SFMBT2: variants seen among roughly 807,000 people sequenced by gnomAD.
The protein encoded by SFMBT2 is scm-like with four MBT domains protein 2.
Under a neutral mutation model 110.1 loss-of-function variants are expected in SFMBT2, and 38 were observed. The ratio of observed to expected loss-of-function variants is 0.35; its 90% confidence interval spans 0.27 to 0.45. The LOEUF is 0.45. SFMBT2 is among the 20% of genes least tolerant of loss of function. The pLI is 1.00. For synonymous variants in SFMBT2, 425 were observed against 425.4 expected (o/e 1.00, Z 0.01); for missense variants, 1,011 against 1,094.9 (o/e 0.92, Z 1.08).
chr10:7,332,033 A>G (rs1023727344), intron 4 of SFMBT2, among the ~76,000 whole-genome samples: 32 of 143,496 alleles, frequency 2.2e-4, no homozygotes, highest in South Asian at 9.5e-4. Flanking sequence ...AAAAAAAAAA[A>G]AAAAGGAAAG....
chr10:7,309,148 G>A (rs1564432396), intron 4 of SFMBT2, among the ~76,000 whole-genome samples: 1 of 152,352 alleles, frequency 6.6e-6, no homozygotes, highest in East Asian at 1.9e-4. Flanking sequence ...CCTCCGTCAT[G>A]TGGATAGACC....
At chr10:7,264,890 A>G (rs1841330869) in intron 7 of SFMBT2, among the ~76,000 whole-genome samples, 1 of 150,226 alleles carries the variant, frequency 6.7e-6, no homozygotes, top group South Asian at 2.1e-4. Flanking sequence ...GTAGCAGGTT[A>G]GTGCCTGGAT....
chr10:7,374,115 A>T (rs1461955262), intron 2 of SFMBT2, among the ~76,000 whole-genome samples: 2 of 152,152 alleles, frequency 1.3e-5, no homozygotes, highest in Non-Finnish European at 2.9e-5. Context: ...TACACCAATT[A>T]GCCAGGGGTG....
intron 4 of SFMBT2, among the ~76,000 whole-genome samples, chr10:7,348,706 G>A (rs979516167): frequency 6.6e-6 from 1 of 152,150 alleles, no homozygotes; most frequent in Non-Finnish European, 1.5e-5. Flanking sequence ...AACCAGATTT[G>A]TGTTCATCTT....
chr10:7,403,983 T>C (rs931593507), intron 1 of SFMBT2, among the ~76,000 whole-genome samples: 1 of 152,220 alleles, frequency 6.6e-6, no homozygotes, highest in Admixed American at 6.5e-5. Context: ...CACAAAGAAA[T>C]GATACATGCT....
intron 12 of SFMBT2, chr10:7,204,619 AT>A (rs753208330): frequency 1.1e-4 from 61 of 551,772 alleles, no homozygotes; most frequent in Non-Finnish European, 1.4e-4. Flanking sequence ...CCAAAGTGTA[AT>A]TCCAGCACTT....
At chr10:7,292,143 T>C (rs556002572) in intron 4 of SFMBT2, 2 of 166,202 alleles carry the variant, frequency 1.2e-5, no homozygotes, top group Non-Finnish European at 2.5e-5. Context: ...AAGAGGTAAA[T>C]AAGAGTGCTT....
intron 12 of SFMBT2, 135 bp from the exon 13 acceptor site, chr10:7,202,657 T>A: frequency 6.5e-7 from 1 of 1,533,400 alleles, no homozygotes; most frequent in African/African-American, 1.4e-5. Flanking sequence ...ACGTCATTCA[T>A]GCCACAATTT....
chr10:7,384,728 C>A (rs924810245), intron 1 of SFMBT2, among the ~76,000 whole-genome samples: 5 of 152,106 alleles, frequency 3.3e-5, no homozygotes, highest in Non-Finnish European at 7.3e-5. Flanking sequence ...ACATTTTACC[C>A]CTGTGGGTAT....
chr10:7,229,433 G>T (rs1051335211), intron 9 of SFMBT2, among the ~76,000 whole-genome samples: 2 of 151,786 alleles, frequency 1.3e-5, no homozygotes, highest in Non-Finnish European at 2.9e-5. Context: ...ACAAAAATTA[G>T]CCAGGTGTGG....
chr10:7,409,087 C>T (rs1457721766), intron 1 of SFMBT2, among the ~76,000 whole-genome samples: 1 of 148,184 alleles, frequency 6.7e-6, no homozygotes, highest in South Asian at 2.1e-4. Context: ...CCTTCTGCCC[C>T]ACCCCACCAC....
intron 7 of SFMBT2, among the ~76,000 whole-genome samples, chr10:7,267,314 T>C (rs1841423930): frequency 6.6e-6 from 1 of 152,228 alleles, no homozygotes; most frequent in Non-Finnish European, 1.5e-5. Context: ...ATGAGTGTAA[T>C]GACTTCTGAA....
intron 7 of SFMBT2, among the ~76,000 whole-genome samples, chr10:7,272,030 AT>A (rs1841601978): frequency 6.6e-6 from 1 of 152,156 alleles, no homozygotes; most frequent in Non-Finnish European, 1.5e-5. Context: ...TTACAGAAAC[AT>A]AACAAGTGCA....
At chr10:7,323,470 C>A (rs200699059) in intron 4 of SFMBT2, among the ~76,000 whole-genome samples, 476 of 120,230 alleles carry the variant, frequency 4.0e-3, no homozygotes, top group Middle Eastern at 0.014. Context: ...AAAAAAAAAC[C>A]AAAAAAAAAA....
intron 4 of SFMBT2, among the ~76,000 whole-genome samples, chr10:7,290,596 G>C (rs1842234150): frequency 6.6e-6 from 1 of 152,190 alleles, no homozygotes; most frequent in Non-Finnish European, 1.5e-5. Context: ...AACACTTTGG[G>C]AGGCTGAGGC....
chr10:7,319,204 C>A (rs771597658), intron 4 of SFMBT2, among the ~76,000 whole-genome samples: 1 of 152,202 alleles, frequency 6.6e-6, no homozygotes, highest in Non-Finnish European at 1.5e-5. Context: ...AGTCACTAAA[C>A]CAAAATCATC....
intron 4 of SFMBT2, among the ~76,000 whole-genome samples, chr10:7,337,145 T>C (rs1588460193): frequency 6.6e-6 from 1 of 152,236 alleles, no homozygotes; most frequent in East Asian, 1.9e-4. Context: ...GAATCTTTCA[T>C]AAAACTGTGG....
At chr10:7,401,461 G>A (rs1846081010) in intron 1 of SFMBT2, among the ~76,000 whole-genome samples, 1 of 152,162 alleles carries the variant, frequency 6.6e-6, no homozygotes, top group Non-Finnish European at 1.5e-5. Flanking sequence ...AATACAATAT[G>A]TACTATGAAA....
intron 4 of SFMBT2, among the ~76,000 whole-genome samples, chr10:7,354,402 T>C (rs1844430256): frequency 6.6e-6 from 1 of 152,212 alleles, no homozygotes; most frequent in Non-Finnish European, 1.5e-5. Flanking sequence ...TGTGTCTGCA[T>C]GTCACGGCTG....
Sources: gnomAD v4.1 joint callset for allele counts (sites outside exome capture counted in the v4.1 genomes callset) on GRCh38, gnomAD v4.1.1 for gene constraint, MANE v1.5 for transcripts, NCBI Gene and HGNC (gene_info 2026-07-23, HGNC 2026-07-21) for gene names.